The following TRAPPC9 variants were observed in gnomAD, a reference collection of about 807,000 sequenced individuals.
TRAPPC9 encodes IKK2 binding protein.
In TRAPPC9, 83 loss-of-function variants were observed where a neutral mutation model predicts 124.0. The observed-to-expected ratio is 0.67, with a 90% CI of 0.56 to 0.80. TRAPPC9 has a LOEUF of 0.80. TRAPPC9 is among the 30% of genes least tolerant of loss of function. The pLI is 0.00. For missense variants in TRAPPC9, 1,302 were observed against 1,508.3 expected, an observed-to-expected ratio of 0.86 and a Z score of 2.27; for synonymous variants, 638 against 617.5, an observed-to-expected ratio of 1.03 and a Z score of -0.49.
At chr8:139,871,799 G>C (rs1828919088) in intron 21 of TRAPPC9, among the ~76,000 whole-genome samples, 2 of 152,226 alleles carry the variant, frequency 1.3e-5, no homozygotes, top group Admixed American at 1.3e-4. Context: ...GAATATGTGG[G>C]TGGGTAGGTG....
At chr8:140,062,358 T>A (rs1842670845) in intron 17 of TRAPPC9, among the ~76,000 whole-genome samples, 1 of 152,222 alleles carries the variant, frequency 6.6e-6, no homozygotes, top group Non-Finnish European at 1.5e-5. Flanking sequence ...CTACTGAGCA[T>A]GACATTTCGG....
At chr8:140,210,141 G>T (rs539126456) in intron 17 of TRAPPC9, among the ~76,000 whole-genome samples, 1 of 152,358 alleles carries the variant, frequency 6.6e-6, no homozygotes, top group South Asian at 2.1e-4. Flanking sequence ...TGCCTGCCAT[G>T]CCTGGGCGTG....
intron 19 of TRAPPC9, among the ~76,000 whole-genome samples, chr8:139,913,669 C>T (rs538301966): frequency 3.1e-4 from 47 of 152,166 alleles, no homozygotes; most frequent in African/African-American, 1.0e-3. Context: ...CTGGGATGGC[C>T]GACGCTGGCA....
intron 20 of TRAPPC9, among the ~76,000 whole-genome samples, chr8:139,908,930 A>C (rs776977246): frequency 1.3e-5 from 2 of 152,226 alleles, no homozygotes; most frequent in Non-Finnish European, 2.9e-5. Context: ...TCACTACGTG[A>C]GTCCCCAAGC....
chr8:140,106,031 G>T (rs1312056809), intron 17 of TRAPPC9, among the ~76,000 whole-genome samples: 2 of 141,634 alleles, frequency 1.4e-5, no homozygotes, highest in Non-Finnish European at 3.1e-5. Flanking sequence ...TTGTAATGAT[G>T]AACTAAAAAA....
intron 7 of TRAPPC9, among the ~76,000 whole-genome samples, chr8:140,389,074 C>G (rs2068846999): frequency 6.6e-6 from 1 of 150,600 alleles, no homozygotes; most frequent in Admixed American, 6.6e-5. Flanking sequence ...TCTCCTGCCT[C>G]AGCCTCCCAA....
At chr8:140,244,238 C>T (rs2063926462) in intron 16 of TRAPPC9, among the ~76,000 whole-genome samples, 2 of 152,334 alleles carry the variant, frequency 1.3e-5, no homozygotes, top group Admixed American at 1.3e-4. Context: ...CCTGGTGCTG[C>T]TGTGTGAGGC....
At chr8:139,967,861 G>A (rs951341198) in intron 19 of TRAPPC9, among the ~76,000 whole-genome samples, 7 of 152,140 alleles carry the variant, frequency 4.6e-5, no homozygotes, top group African/African-American at 1.7e-4. Context: ...AATGGTGGCC[G>A]GGCGCGGTGG....
At chr8:139,916,660 CAAT>C (rs1449200152) in intron 19 of TRAPPC9, 1 of 152,086 alleles carries the variant, frequency 6.6e-6, no homozygotes, top group African/African-American at 2.4e-5. Context: ...CCAAATGTGA[CAAT>C]AATAGTCAAG....
rs1320949115 is a variant in TRAPPC9, at chr8:139,986,992, C to T, written c.2810+1734G>A. ...CAATTACTTTTGCAGCAACCTACAG[C>T]ATTTCGTATCAATGGAACCACATGG... On this transcript the variant is annotated intron_variant, in intron 19 of 22. Transcript: ENST00000438773. 2.0e-5 allele frequency among the ~76,000 whole-genome samples: 3 copies of T among 152,222 alleles called. No homozygotes were observed. In the East Asian group the frequency reaches 5.8e-4, roughly 29 times the overall value.
chr8:140,096,049 G>C (rs569241283), intron 17 of TRAPPC9: 1 of 152,168 alleles, frequency 6.6e-6, no homozygotes. Flanking sequence ...GAGGGAGGGC[G>C]CACATTCCAC....
intron 17 of TRAPPC9, among the ~76,000 whole-genome samples, chr8:140,046,903 T>C (rs1034071336): frequency 3.9e-5 from 6 of 152,240 alleles, no homozygotes; most frequent in Non-Finnish European, 8.8e-5. Context: ...TTTCTTCATC[T>C]GTAAAATGGG....
intron 19 of TRAPPC9, among the ~76,000 whole-genome samples, chr8:139,947,924 C>CGCGA (rs55786926): frequency 1.2e-5 from 1 of 83,470 alleles, no homozygotes; most frequent in Non-Finnish European, 2.3e-5. Context: ...AGAGAGAGAG[C>CGCGA]GAGAGAGAGA....
At chr8:140,453,715 G>A (rs368281952) in intron 1 of TRAPPC9, among the ~76,000 whole-genome samples, 67 of 152,224 alleles carry the variant, frequency 4.4e-4, no homozygotes, top group African/African-American at 1.5e-3. Context: ...TCTCAAGGAC[G>A]ACGCCCCACT....
intron 20 of TRAPPC9, among the ~76,000 whole-genome samples, chr8:139,902,072 G>A (rs533086105): frequency 6.6e-6 from 1 of 152,270 alleles, no homozygotes; most frequent in African/African-American, 2.4e-5. Context: ...GTGTGTATAT[G>A]TCCAACATGT....
At chr8:140,176,053 A>G (rs1222935924) in intron 17 of TRAPPC9, among the ~76,000 whole-genome samples, 1 of 152,250 alleles carries the variant, frequency 6.6e-6, no homozygotes, top group Non-Finnish European at 1.5e-5. Flanking sequence ...GTGTGTGCTA[A>G]GTGATGTGAC....
intron 19 of TRAPPC9, among the ~76,000 whole-genome samples, chr8:139,950,025 C>A (rs1315533084): frequency 6.6e-6 from 1 of 152,232 alleles, no homozygotes; most frequent in Admixed American, 6.5e-5. Context: ...TACACCACAT[C>A]CTGCAGAACA....
intron 21 of TRAPPC9, among the ~76,000 whole-genome samples, chr8:139,855,746 C>T (rs911301579): frequency 3.3e-5 from 5 of 152,226 alleles, no homozygotes; most frequent in Non-Finnish European, 5.9e-5. Flanking sequence ...TGTCTTCTGC[C>T]GCAAGCCCGC....
At chr8:140,338,449 AC>A (rs1358665078) in intron 9 of TRAPPC9, among the ~76,000 whole-genome samples, 19 of 152,216 alleles carry the variant, frequency 1.2e-4, no homozygotes, top group Non-Finnish European at 2.5e-4. Context: ...ATGGGACAGG[AC>A]AGACGAGACC....
Sources: gnomAD v4.1 joint callset for allele counts (sites outside exome capture counted in the v4.1 genomes callset) on GRCh38, gnomAD v4.1.1 for gene constraint, MANE v1.5 for transcripts, NCBI Gene and HGNC (gene_info 2026-07-23, HGNC 2026-07-21) for gene names.